CREM: variants seen among roughly 807,000 people sequenced by gnomAD.
CREM encodes cAMP-responsive element modulator.
Under a neutral mutation model 37.3 loss-of-function variants are expected in CREM, and 13 were observed. The observed-to-expected ratio is 0.35, with a 90% CI of 0.23 to 0.55. The LOEUF (loss-of-function observed/expected upper bound fraction) is 0.55. Ranked by LOEUF, CREM falls within the 20% of genes least tolerant of loss-of-function variation. The pLI, the probability that CREM is intolerant of heterozygous loss-of-function variation, is 0.88. For synonymous variants in CREM, 124 were observed against 120.2 expected (o/e 1.03, Z -0.21); for missense variants, 296 against 362.3 (o/e 0.82, Z 1.49).
chr10:35,163,847 A>G (rs1053530985), intron 3 of CREM, among the ~76,000 whole-genome samples: 21 of 151,964 alleles, frequency 1.4e-4, no homozygotes, highest in African/African-American at 5.1e-4. Flanking sequence ...AAACAAAAAA[A>G]AACAATTAGT....
chr10:35,186,181 C>T (rs777153919), intron 5 of CREM, among the ~76,000 whole-genome samples: 57 of 152,238 alleles, frequency 3.7e-4, no homozygotes, highest in South Asian at 1.7e-3. Flanking sequence ...TTTTAAAAAG[C>T]ATAGCCTCTG....
chr10:35,136,794 T>G (rs1346755932), intron 1 of CREM, among the ~76,000 whole-genome samples: 2 of 140,394 alleles, frequency 1.4e-5, no homozygotes, highest in African/African-American at 6.1e-5. Flanking sequence ...CTCTCAGTTT[T>G]TTTTTTTTTT....
rs547037656 is a variant in CREM, at chr10:35,161,262, G to A, written c.168+12771G>A. 7.4e-4 allele frequency among the ~76,000 whole-genome samples: 113 copies of A among 151,698 alleles called. 3 individuals carry two copies. In the South Asian group the frequency reaches 0.023, roughly 31 times the overall value. On this transcript the variant is annotated intron_variant, in intron 3 of 7. Transcript: ENST00000685392. ...AGCTATTCGCGTGCCTCAGCCTCCC[G>A]AGTATGGGATTACAGTCGTGCATCA...
intron 3 of CREM, among the ~76,000 whole-genome samples, chr10:35,157,566 G>A (rs1257214275): frequency 6.6e-6 from 1 of 150,570 alleles, no homozygotes; most frequent in Non-Finnish European, 1.5e-5. Context: ...AGGCTGGGAG[G>A]CACAGGTTGC....
At chr10:35,128,104 C>T (rs897338244) in intron 1 of CREM, among the ~76,000 whole-genome samples, 4 of 152,222 alleles carry the variant, frequency 2.6e-5, no homozygotes, top group Non-Finnish European at 4.4e-5. Context: ...TCCCAAAGTG[C>T]TGGGATTACA....
rs556731366 is a variant in CREM, at chr10:35,168,170, G to A, written c.169-10719G>A. Among the ~76,000 whole-genome samples the A allele has an allele frequency of 9.2e-5, 14 of 152,256 alleles. No homozygotes were observed. The East Asian group carries it at 1.4e-3, about 15-fold the overall frequency. ...TCTAGTTCTAGATCCTTGAGGAATC[G>A]CCACACTGTCTTCCACAATGGTTGA... On this transcript the variant is annotated intron_variant, in intron 3 of 7. Coordinates refer to ENST00000685392, the MANE Select transcript of CREM (RefSeq NM_183011.2).
At chr10:35,191,086 T>TTTTATTTA (rs10528009) in intron 6 of CREM, among the ~76,000 whole-genome samples, 92,026 of 147,880 alleles carry the variant, frequency 0.62, 28,859 homozygotes, top group East Asian at 0.67. Flanking sequence ...ACATTTTTCT[T>TTTTATTTA]TTTATTTATT....
At chr10:35,139,679 T>C (rs1176930523) in intron 2 of CREM, among the ~76,000 whole-genome samples, 2 of 152,226 alleles carry the variant, frequency 1.3e-5, no homozygotes, top group Non-Finnish European at 2.9e-5. Flanking sequence ...CAACTATGTT[T>C]ATTTAATATT....
chr10:35,145,550 G>A (rs1466731847), intron 2 of CREM, among the ~76,000 whole-genome samples: 2 of 152,162 alleles, frequency 1.3e-5, no homozygotes, highest in African/African-American at 4.8e-5. Flanking sequence ...GGAGGCCAAG[G>A]CAGGCAGATC....
At chr10:35,161,405 G>A (rs2093285292) in intron 3 of CREM, among the ~76,000 whole-genome samples, 1 of 151,182 alleles carries the variant, frequency 6.6e-6, no homozygotes, top group Admixed American at 6.6e-5. Flanking sequence ...TGAGGCAGGA[G>A]AATTGCTTAA....
intron 2 of CREM, among the ~76,000 whole-genome samples, chr10:35,141,134 G>C (rs2091362068): frequency 1.3e-5 from 2 of 152,062 alleles, no homozygotes; most frequent in African/African-American, 4.8e-5. Context: ...TTTATTTTTT[G>C]AGACAGTCTC....
chr10:35,168,267 T>G (rs934615285), intron 3 of CREM, among the ~76,000 whole-genome samples: 7 of 152,174 alleles, frequency 4.6e-5, no homozygotes, highest in Non-Finnish European at 8.8e-5. Context: ...ACCTGTTGTT[T>G]CCTGACTTTT....
intron 2 of CREM, among the ~76,000 whole-genome samples, chr10:35,141,933 G>A (rs546121601): frequency 6.6e-6 from 1 of 152,048 alleles, no homozygotes; most frequent in Non-Finnish European, 1.5e-5. Context: ...CAAGAAGGAA[G>A]ATGTTGTCAA....
rs1358198864 is a variant in CREM, at chr10:35,164,238, C to T, written c.169-14651C>T. On this transcript the variant is annotated intron_variant, in intron 3 of 7. Transcript: ENST00000685392. ...TGTGAAGCACAAGCACAGAGTTTGG[C>T]ATCTGGTCAATGTGCAATAAATGCT... 3.3e-5 allele frequency among the ~76,000 whole-genome samples: 5 copies of T among 152,294 alleles called. 1 individual carries two copies. The South Asian group carries it at 8.3e-4, about 25-fold the overall frequency.
rs1271855315 is a variant in CREM, at chr10:35,158,821, GTTTTT to G, written c.168+10342_168+10346del. ...GTGTTTTTTTTTTGTTGTTTTGTTT[GTTTTT>G]TTTTTTTTTTTACAGACTTAGAACT... On this transcript the variant is annotated intron_variant, in intron 3 of 7. Coordinates refer to ENST00000685392, the MANE Select transcript of CREM (RefSeq NM_183011.2). Among the ~76,000 whole-genome samples the G allele has an allele frequency of 6.4e-5, 4 of 62,374 alleles. 1 individual carries two copies. The highest frequency in any genetic ancestry group is 8.7e-5 in the African/African-American group (2 of 23,066). The allele number at this position is 62,374 out of a possible 152,430, so 40.9% of individuals were successfully genotyped here. A position where few individuals can be genotyped will look rare whatever the true frequency, so the allele number is the denominator to read the frequency against.
Position 35,148,579 on chromosome 10 carries a change from A to C in CREM, c.168+88A>C, listed in dbSNP as rs544299294. On this transcript the variant is annotated intron_variant, in intron 3 of 7. Transcript: ENST00000685392. The stretch of plus-strand genomic sequence containing the variant: ...TCTGTTTTCTTGCCATTGATCTTAA[A>C]TTTTCCATGTTCCCTGGTTATCAGC... The C allele has an allele frequency of 1.6e-4, 228 of 1,404,964 alleles. No homozygotes were observed. In the African/African-American group the frequency reaches 2.8e-3, roughly 17 times the overall value. The allele number at this position is 1,404,964 out of a possible 1,614,324, so 87.0% of individuals were successfully genotyped here.
At chr10:35,137,986 ATATTC>A (rs2090836909) in intron 2 of CREM, 107 bp downstream of exon 2, 1 of 678,924 alleles carries the variant, frequency 1.5e-6, no homozygotes, top group African/African-American at 1.9e-5. Flanking sequence ...GTATGTATAT[ATATTC>A]TATTATAATA....
intron 6 of CREM, among the ~76,000 whole-genome samples, chr10:35,192,323 A>G (rs1010361211): frequency 6.6e-6 from 1 of 152,032 alleles, no homozygotes; most frequent in Non-Finnish European, 1.5e-5. Flanking sequence ...CATCTCCATT[A>G]CTGCATTGCA....
At chr10:35,182,504 T>C (rs184609461) in intron 5 of CREM, among the ~76,000 whole-genome samples, 1 of 152,298 alleles carries the variant, frequency 6.6e-6, no homozygotes, top group Admixed American at 6.5e-5. Context: ...TTTCCAATAT[T>C]TTATTAGTTA....
Sources: gnomAD v4.1 joint callset for allele counts (sites outside exome capture counted in the v4.1 genomes callset) on GRCh38, gnomAD v4.1.1 for gene constraint, MANE v1.5 for transcripts, NCBI Gene and HGNC (gene_info 2026-07-23, HGNC 2026-07-21) for gene names.